Variants in SLC44A2 observed in about 807,000 individuals in gnomAD.
The protein encoded by SLC44A2 is solute carrier family 44 member 2 (CTL2 blood group).
A neutral mutation model predicts 90.8 loss-of-function variants in SLC44A2; 57 were observed. The ratio of observed to expected loss-of-function variants is 0.63; its 90% CI spans 0.51 to 0.78. The LOEUF (loss-of-function observed/expected upper bound fraction) is 0.78. SLC44A2 is among the 30% of genes least tolerant of loss of function. The probability of loss-of-function intolerance (pLI) is 0.00; values close to 1 mark genes in which losing one functional copy is unlikely to be tolerated. For missense variants in SLC44A2, 794 were observed against 919.7 expected, an observed-to-expected ratio of 0.86 and a Z score of 1.77; for synonymous variants, 355 against 360.7, an observed-to-expected ratio of 0.98 and a Z score of 0.18.
Position 10,636,309 on chromosome 19 carries a change from C to A in SLC44A2, c.1234-14C>A. 7.5e-6 allele frequency: 12 copies of A among 1,603,848 alleles called. No individual in the cohort carries two copies. The highest frequency in any genetic ancestry group is 1.0e-5 in the Non-Finnish European group (12 of 1,173,710). On this transcript the variant is annotated splice_polypyrimidine_tract_variant and intron_variant, in intron 14 of 21. Coordinates refer to ENST00000335757, the MANE Select transcript of SLC44A2 (RefSeq NM_020428.4). ...TGCCTCTTTTTGGACTCGGTTCTCCCTTCTCTCCCACAGACCTTCCCCTCC... is the reference window on the plus strand; with the variant it reads ...TGCCTCTTTTTGGACTCGGTTCTCCATTCTCTCCCACAGACCTTCCCCTCC...
chr19:10,631,903 C>T lies in SLC44A2; in HGVS notation c.662C>T (p.Ala221Val), dbSNP rs751740936. 1 of 1,614,216 alleles carries T rather than the reference C, an allele frequency of 6.2e-7. No individual in the cohort carries two copies. Among genetic ancestry groups the T allele is most frequent in the Non-Finnish European group, 8.5e-7 (1 of 1,180,044 alleles). Residue 221 changes from alanine to valine, a missense_variant, in exon 9 of 22, where the codon GCC becomes GTC. Ala to Val is a moderately conservative substitution (Grantham distance 64). Transcript: ENST00000335757. ...ANGVLEARQL[A>V]MRIFEDYTVS... is the part of the protein sequence containing the mutation. ...GGAGTCCTAGAGGCGCGGCAACTCG[C>T]CATGCGCATATTTGAAGATTACACC...
intron 1 of SLC44A2, among the ~76,000 whole-genome samples, chr19:10,605,399 A>G (rs1568440513): frequency 6.6e-6 from 1 of 152,078 alleles, no homozygotes; most frequent in Non-Finnish European, 1.5e-5. Context: ...CTGTAATCCC[A>G]GCTACTCCAG....
At chr19:10,609,765 C>A (rs983070460) in intron 1 of SLC44A2, among the ~76,000 whole-genome samples, 17 of 151,880 alleles carry the variant, frequency 1.1e-4, no homozygotes, top group African/African-American at 4.1e-4. Context: ...ATGCCCAGCC[C>A]ATAACTCTTT....
At chr19:10,639,249 T>G (rs1224984924) in intron 20 of SLC44A2, among the ~76,000 whole-genome samples, 1 of 152,206 alleles carries the variant, frequency 6.6e-6, no homozygotes, top group Non-Finnish European at 1.5e-5. Context: ...CCACAAACAT[T>G]ATCAAGCACC....
intron 1 of SLC44A2, chr19:10,602,705 G>A: frequency 9.6e-6 from 7 of 725,436 alleles, no homozygotes; most frequent in Non-Finnish European, 1.3e-5. Context: ...GACACTGCGC[G>A]GATCCCACGC....
intron 1 of SLC44A2, among the ~76,000 whole-genome samples, chr19:10,610,525 G>A (rs184956593): frequency 3.9e-4 from 59 of 149,840 alleles, no homozygotes; most frequent in East Asian, 1.4e-3. Context: ...TAGTAGAAAC[G>A]GGGTTTCACT....
rs372142326 is a variant in SLC44A2, at chr19:10,628,228, T to C, written c.245+224T>C. 2.6e-4 allele frequency among the ~76,000 whole-genome samples: 39 copies of C among 152,074 alleles called. 1 individual carries two copies. The highest frequency in any genetic ancestry group is 8.0e-4 in the African/African-American group (33 of 41,498). On this transcript the variant is annotated intron_variant, in intron 4 of 21. Transcript: ENST00000335757. ...GGCAAAACCCCGTCTCCACTAAAAA[T>C]ACACAAATTAGCCAGGCATGGTGGC...
intron 1 of SLC44A2, among the ~76,000 whole-genome samples, chr19:10,618,075 G>C (rs912702217): frequency 6.6e-6 from 1 of 152,056 alleles, no homozygotes; most frequent in Non-Finnish European, 1.5e-5. Context: ...CGTGATCTCG[G>C]CTCACTGCAA....
rs141626156 is a variant in SLC44A2, at chr19:10,636,437, G to A, written c.1348G>A (p.Ala450Thr). 12 of 1,613,916 alleles carry A rather than the reference G, an allele frequency of 7.4e-6. No homozygotes were observed. Among genetic ancestry groups the A allele is most frequent in the Non-Finnish European group, 1.0e-5 (12 of 1,180,038 alleles). Reference protein sequence around the residue: ...RALLGLQIFNAFMFFWLANFV... With the variant: ...RALLGLQIFNTFMFFWLANFV... The stretch of plus-strand genomic sequence containing the variant: ...CCTGCTGGGCCTGCAGATCTTCAAT[G>A]CCTTCATGTTCTTCTGGTTGGCCAA... Residue 450 changes from alanine to threonine, a missense_variant, in exon 15 of 22, where the codon GCC becomes ACC. Coordinates refer to ENST00000335757, the MANE Select transcript of SLC44A2 (RefSeq NM_020428.4).
chr19:10,611,446 T>C (rs1370831148), intron 1 of SLC44A2, among the ~76,000 whole-genome samples: 1 of 151,374 alleles, frequency 6.6e-6, no homozygotes, highest in Non-Finnish European at 1.5e-5. Context: ...AGTGAGACAC[T>C]ATTTCAAAAA....
intron 1 of SLC44A2, among the ~76,000 whole-genome samples, chr19:10,609,276 A>G (rs1453366055): frequency 1.3e-5 from 2 of 150,966 alleles, no homozygotes; most frequent in Non-Finnish European, 3.0e-5. Context: ...TTTAAATTGA[A>G]GTATAATTTG....
At chr19:10,626,573 C>T (rs974700250) in intron 2 of SLC44A2, among the ~76,000 whole-genome samples, 3 of 111,208 alleles carry the variant, frequency 2.7e-5, no homozygotes, top group African/African-American at 1.1e-4. Context: ...ACCACCACAC[C>T]TGGCTAATTT....
At chr19:10,642,283 G>A (rs1258287525) in intron 20 of SLC44A2, 84 bp from the exon 21 acceptor site, 4 of 1,117,326 alleles carry the variant, frequency 3.6e-6, no homozygotes, top group Non-Finnish European at 5.4e-6. Flanking sequence ...GGAAGGATGT[G>A]GTCCCAGCAT....
chr19:10,626,507 G>A (rs1401263901), intron 2 of SLC44A2, among the ~76,000 whole-genome samples: 4 of 151,218 alleles, frequency 2.6e-5, no homozygotes, highest in Admixed American at 6.6e-5. Context: ...TTCGCCTCCC[G>A]GGTTCGAGCA....
In SLC44A2 at chr19:10,634,957, G is replaced by T; in HGVS notation, c.956-17G>T. The T allele has an allele frequency of 6.2e-7, 1 of 1,614,136 alleles. No homozygotes were observed. The highest frequency in any genetic ancestry group is 8.5e-7 in the Non-Finnish European group (1 of 1,180,032). On this transcript the variant is annotated splice_polypyrimidine_tract_variant and intron_variant, in intron 11 of 21. Coordinates refer to ENST00000335757, the MANE Select transcript of SLC44A2 (RefSeq NM_020428.4). ...GGGAGTGGGGAGCCCAGCCGGCTCAGCCTTTGCCCTTTGCAGTGATCATTC... is the reference window on the plus strand; with the variant it reads ...GGGAGTGGGGAGCCCAGCCGGCTCATCCTTTGCCCTTTGCAGTGATCATTC...
chr19:10,609,545 C>T (rs564245147), intron 1 of SLC44A2, among the ~76,000 whole-genome samples: 1 of 152,190 alleles, frequency 6.6e-6, no homozygotes, highest in South Asian at 2.1e-4. Context: ...AGTGATCCAC[C>T]CGCCTCAGTC....
Position 10,638,659 on chromosome 19 carries a change from C to T in SLC44A2, c.1929+344C>T, listed in dbSNP as rs973987061. 5.3e-5 allele frequency among the ~76,000 whole-genome samples: 8 copies of T among 151,264 alleles called. No individual in the cohort carries two copies. The South Asian group carries it at 1.2e-3, about 24-fold the overall frequency. ...TTTTAATTTAATTTTTTTTTTGAGA[C>T]AGACTCACTCTGTTGCCCAGGTTGG... On this transcript the variant is annotated intron_variant, in intron 20 of 21. Coordinates refer to ENST00000335757, the MANE Select transcript of SLC44A2 (RefSeq NM_020428.4).
intron 1 of SLC44A2, among the ~76,000 whole-genome samples, chr19:10,613,150 C>T (rs1053730669): frequency 2.3e-4 from 35 of 151,904 alleles, no homozygotes; most frequent in East Asian, 2.1e-3. Flanking sequence ...CTCTGCCTCC[C>T]GGGCTCAAGC....
intron 9 of SLC44A2, 32 bp downstream of exon 9, chr19:10,631,983 G>T (rs759714807): frequency 6.2e-7 from 1 of 1,612,924 alleles, no homozygotes; most frequent in Non-Finnish European, 8.5e-7. Context: ...CTCTCCCCTG[G>T]CTGCCCCCTC....
Sources: gnomAD v4.1 joint callset for allele counts (sites outside exome capture counted in the v4.1 genomes callset) on GRCh38, gnomAD v4.1.1 for gene constraint, MANE v1.5 for transcripts, NCBI Gene and HGNC (gene_info 2026-07-23, HGNC 2026-07-21) for gene names.